Variants in NKAIN2 observed in about 807,000 individuals in gnomAD.
NKAIN2 encodes sodium/potassium transporting ATPase interacting 2.
In NKAIN2, 14 loss-of-function variants were observed where a neutral mutation model predicts 32.6. The ratio of observed to expected loss-of-function variants is 0.43; its 90% confidence interval spans 0.28 to 0.67. The LOEUF is 0.67. Among genes scored for constraint, NKAIN2 ranks in the 30% least tolerant of loss-of-function variants. The pLI is 0.17. For missense variants in NKAIN2, 198 were observed against 258.3 expected, an observed-to-expected ratio of 0.77 and a Z score of 1.60; for synonymous variants, 80 against 87.2, an observed-to-expected ratio of 0.92 and a Z score of 0.46.
chr6:124,738,329 C>T (rs938691853), intron 4 of NKAIN2, among the ~76,000 whole-genome samples: 23 of 151,746 alleles, frequency 1.5e-4, no homozygotes, highest in African/African-American at 5.3e-4. Flanking sequence ...TAAAATAAAA[C>T]ATAGAAATAA....
At chr6:124,191,749 A>G (rs978421702) in intron 1 of NKAIN2, among the ~76,000 whole-genome samples, 1 of 152,196 alleles carries the variant, frequency 6.6e-6, no homozygotes, top group African/African-American at 2.4e-5. Flanking sequence ...TACAAAGTTG[A>G]AGTGTGTCCT....
At chr6:123,978,061 G>T (rs920599158) in intron 1 of NKAIN2, among the ~76,000 whole-genome samples, 2 of 152,098 alleles carry the variant, frequency 1.3e-5, no homozygotes, top group Non-Finnish European at 2.9e-5. Context: ...TCATGTTTAT[G>T]CACCTTTAAG....
At chr6:123,970,863 C>T (rs924129383) in intron 1 of NKAIN2, among the ~76,000 whole-genome samples, 2 of 151,618 alleles carry the variant, frequency 1.3e-5, no homozygotes, top group Non-Finnish European at 2.9e-5. Context: ...GCCTGGTCGA[C>T]GAAGTGAATC....
intron 2 of NKAIN2, among the ~76,000 whole-genome samples, chr6:124,308,566 T>C (rs1370623794): frequency 6.6e-6 from 1 of 152,196 alleles, no homozygotes; most frequent in Non-Finnish European, 1.5e-5. Context: ...TTCTTAACAG[T>C]AAAGATTGAA....
intron 5 of NKAIN2, among the ~76,000 whole-genome samples, chr6:124,803,018 TCATTGCTGG>T (rs1333774657): frequency 3.9e-5 from 6 of 152,180 alleles, no homozygotes; most frequent in Admixed American, 3.9e-4. Context: ...GGGTGGTTGC[TCATTGCTGG>T]AGAAAGTAAC....
intron 3 of NKAIN2, among the ~76,000 whole-genome samples, chr6:124,408,330 A>G (rs1190885007): frequency 2.6e-5 from 4 of 152,102 alleles, no homozygotes; most frequent in Admixed American, 2.0e-4. Flanking sequence ...ATGGTTTTAC[A>G]TCTAACATGT....
At chr6:124,608,404 T>C (rs1013471768) in intron 3 of NKAIN2, among the ~76,000 whole-genome samples, 12 of 152,126 alleles carry the variant, frequency 7.9e-5, no homozygotes, top group Non-Finnish European at 1.3e-4. Context: ...AGGTAGTAAA[T>C]GGCAATATAT....
At chr6:124,159,040 TA>T (rs1482192084) in intron 1 of NKAIN2, among the ~76,000 whole-genome samples, 1 of 152,180 alleles carries the variant, frequency 6.6e-6, no homozygotes. Context: ...TCATACTTCA[TA>T]GATTTTAGGG....
intron 1 of NKAIN2, 53 bp downstream of exon 1, chr6:123,804,307 C>A: frequency 7.0e-7 from 1 of 1,430,840 alleles, no homozygotes; most frequent in Non-Finnish European, 9.9e-7. Flanking sequence ...AGATAGTGGG[C>A]AGGGGAGTGC....
chr6:124,441,228 G>A (rs1775674999), intron 3 of NKAIN2, among the ~76,000 whole-genome samples: 1 of 152,034 alleles, frequency 6.6e-6, no homozygotes, highest in Non-Finnish European at 1.5e-5. Context: ...ATCAAACACT[G>A]TAAATCTCTA....
At chr6:124,255,107 G>A (rs1396871196) in intron 1 of NKAIN2, among the ~76,000 whole-genome samples, 1 of 152,132 alleles carries the variant, frequency 6.6e-6, no homozygotes, top group Admixed American at 6.5e-5. Flanking sequence ...GGTGATAATT[G>A]CTCAGAACTC....
intron 1 of NKAIN2, among the ~76,000 whole-genome samples, chr6:124,039,091 A>T (rs1043499551): frequency 1.7e-4 from 26 of 152,134 alleles, no homozygotes; most frequent in South Asian, 4.1e-4. Context: ...TTTTAAAAAA[A>T]GTTTTATAGT....
At chr6:123,864,101 T>C (rs1775893529) in intron 1 of NKAIN2, among the ~76,000 whole-genome samples, 2 of 152,236 alleles carry the variant, frequency 1.3e-5, no homozygotes, top group Non-Finnish European at 2.9e-5. Context: ...TTGTTTTGTT[T>C]TTCTTTATTT....
intron 1 of NKAIN2, among the ~76,000 whole-genome samples, chr6:124,089,998 A>G (rs1784349492): frequency 6.6e-6 from 1 of 151,968 alleles, no homozygotes; most frequent in South Asian, 2.1e-4. Flanking sequence ...GAATAGTTGC[A>G]TATGTACACA....
At chr6:124,324,619 T>C (rs1242977017) in intron 2 of NKAIN2, among the ~76,000 whole-genome samples, 2 of 152,108 alleles carry the variant, frequency 1.3e-5, no homozygotes, top group Non-Finnish European at 2.9e-5. Flanking sequence ...ATAGGAGCAG[T>C]GGGACCAAAC....
chr6:124,206,959 A>G (rs1035819728), intron 1 of NKAIN2, among the ~76,000 whole-genome samples: 1 of 151,796 alleles, frequency 6.6e-6, no homozygotes, highest in Non-Finnish European at 1.5e-5. Flanking sequence ...AAGTTTATGA[A>G]TTTTGGACAA....
At chr6:124,762,512 A>G (rs774130923) in intron 4 of NKAIN2, among the ~76,000 whole-genome samples, 2 of 152,208 alleles carry the variant, frequency 1.3e-5, no homozygotes, top group Non-Finnish European at 2.9e-5. Flanking sequence ...TATAGTCATA[A>G]AAGTATAGAA....
intron 1 of NKAIN2, among the ~76,000 whole-genome samples, chr6:124,244,298 A>T (rs1210461957): frequency 2.3e-5 from 3 of 131,272 alleles, no homozygotes; most frequent in African/African-American, 5.9e-5. Flanking sequence ...TGTCCATGTG[A>T]TCTCATTTTT....
chr6:124,099,761 A>T (rs142053027), intron 1 of NKAIN2, among the ~76,000 whole-genome samples: 1 of 152,188 alleles, frequency 6.6e-6, no homozygotes, highest in Non-Finnish European at 1.5e-5. Flanking sequence ...TAGAGCCCAG[A>T]CATGCTGCTA....
Sources: gnomAD v4.1 joint callset for allele counts (sites outside exome capture counted in the v4.1 genomes callset) on GRCh38, gnomAD v4.1.1 for gene constraint, MANE v1.5 for transcripts, NCBI Gene and HGNC (gene_info 2026-07-23, HGNC 2026-07-21) for gene names.